Variants in RABGEF1 observed in about 807,000 individuals in gnomAD.
RABGEF1 encodes RAB guanine nucleotide exchange factor 1.
A neutral mutation model predicts 57.3 loss-of-function variants in RABGEF1; 26 were observed. The observed-to-expected ratio is 0.45, with a 90% CI of 0.33 to 0.63. The LOEUF (loss-of-function observed/expected upper bound fraction) is 0.63. Among genes scored for constraint, RABGEF1 ranks in the 20% least tolerant of loss-of-function variants. The pLI, the probability that RABGEF1 is intolerant of heterozygous loss-of-function variation, is 0.02. For missense variants in RABGEF1, 464 were observed against 607.6 expected, an observed-to-expected ratio of 0.76 and a Z score of 2.48; for synonymous variants, 185 against 210.7, an observed-to-expected ratio of 0.88 and a Z score of 1.06.
At chr7:66,709,042 A>C (rs1307072576) in intron 1 of RABGEF1, among the ~76,000 whole-genome samples, 2 of 150,336 alleles carry the variant, frequency 1.3e-5, no homozygotes, top group African/African-American at 4.9e-5. Context: ...GTGAGACAAG[A>C]GTTTCACTCA....
chr7:66,759,052 A>G (rs543871326), intron 1 of RABGEF1, among the ~76,000 whole-genome samples: 4 of 152,214 alleles, frequency 2.6e-5, no homozygotes, highest in Non-Finnish European at 4.4e-5. Context: ...ATGTATGTGT[A>G]TAGTGTCATG....
intron 1 of RABGEF1, among the ~76,000 whole-genome samples, chr7:66,690,957 G>A (rs539067045): frequency 3.9e-4 from 60 of 151,954 alleles, no homozygotes; most frequent in Admixed American, 5.9e-4. Context: ...CGAGTGTGGT[G>A]GGGAGCGCCT....
chr7:66,741,310 TC>T (rs1014418808), intron 1 of RABGEF1, among the ~76,000 whole-genome samples: 11 of 152,050 alleles, frequency 7.2e-5, no homozygotes, highest in African/African-American at 2.4e-4. Context: ...GGCAGAAGTG[TC>T]CCGGAGTTGG....
chr7:66,654,910 T>C, the RABGEF1 span, among the ~76,000 whole-genome samples: 6 of 152,374 alleles, frequency 3.9e-5, no homozygotes, highest in East Asian at 1.9e-4. Flanking sequence ...GGACAAGCCC[T>C]TGAAGGCCTG....
chr7:66,791,632 A>G (rs891411162), intron 4 of RABGEF1, among the ~76,000 whole-genome samples: 2 of 152,250 alleles, frequency 1.3e-5, no homozygotes, highest in African/African-American at 2.4e-5. Context: ...CACAGAAAAC[A>G]TAGGCAAGGA....
At chr7:66,662,436 C>T in the RABGEF1 span, among the ~76,000 whole-genome samples, 4 of 152,160 alleles carry the variant, frequency 2.6e-5, no homozygotes, top group Admixed American at 2.6e-4. Context: ...AATCCTCTCT[C>T]CCTGTTCCCC....
At chr7:66,732,031 GCCGCCTGCGGGCCAGGGCTGCCAGCCAC>G (rs1396926525) in intron 2 of RABGEF1, among the ~76,000 whole-genome samples, 1 of 152,246 alleles carries the variant, frequency 6.6e-6, no homozygotes, top group Non-Finnish European at 1.5e-5. Context: ...CAGCCAGTCA[GCCGCCTGCGGGCCAGGGCTGCCAGCCAC>G]CCCCAGCCCA....
chr7:66,726,958 T>G (rs1316700274), intron 2 of RABGEF1, among the ~76,000 whole-genome samples: 1 of 152,068 alleles, frequency 6.6e-6, no homozygotes, highest in Non-Finnish European at 1.5e-5. Context: ...GAGCCGAGAT[T>G]GCGCCATTGC....
chr7:66,659,519 C>T, the RABGEF1 span, among the ~76,000 whole-genome samples: 2 of 151,334 alleles, frequency 1.3e-5, no homozygotes, highest in Non-Finnish European at 2.9e-5. Flanking sequence ...GTGGCTCAGG[C>T]GGGTAATCCC....
chr7:66,772,170 G>A, intron 2 of RABGEF1, 92 bp downstream of exon 2: 1 of 1,058,776 alleles, frequency 9.4e-7, no homozygotes, highest in Non-Finnish European at 1.3e-6. Context: ...CTTCTGCTTT[G>A]AGCTATCAGC....
chr7:66,705,697 T>G (rs1793956235), intron 1 of RABGEF1, among the ~76,000 whole-genome samples: 1 of 149,616 alleles, frequency 6.7e-6, no homozygotes, highest in Non-Finnish European at 1.5e-5. Context: ...ATACAAGTGT[T>G]TTTTTTTTTG....
At chr7:66,668,549 G>T in the RABGEF1 span, among the ~76,000 whole-genome samples, 1 of 152,174 alleles carries the variant, frequency 6.6e-6, no homozygotes, top group African/African-American at 2.4e-5. Flanking sequence ...CTCTGGAGAG[G>T]GGGGGATTGG....
the RABGEF1 span, among the ~76,000 whole-genome samples, chr7:66,668,372 C>T: frequency 1.3e-5 from 2 of 152,194 alleles, no homozygotes; most frequent in Non-Finnish European, 2.9e-5. Flanking sequence ...GTTGGGATTA[C>T]AGCCGTGAGC....
the RABGEF1 span, among the ~76,000 whole-genome samples, chr7:66,665,651 T>C: frequency 7.9e-5 from 12 of 152,152 alleles, no homozygotes; most frequent in Non-Finnish European, 1.3e-4. Flanking sequence ...CAAGAGAATC[T>C]AGAACATCGT....
intron 8 of RABGEF1, chr7:66,808,146 A>G (rs2129197605): frequency 6.6e-6 from 1 of 151,726 alleles, no homozygotes; most frequent in South Asian, 2.1e-4. Flanking sequence ...TAACTTTCCC[A>G]CGGTCACTCA....
At chr7:66,796,647 C>T in intron 5 of RABGEF1, 7 of 250,012 alleles carry the variant, frequency 2.8e-5, no homozygotes, top group South Asian at 2.1e-4. Context: ...AGCTGGAGTA[C>T]AGTGGTGTGA....
intron 2 of RABGEF1, among the ~76,000 whole-genome samples, chr7:66,723,331 C>A (rs558806106): frequency 6.6e-6 from 1 of 152,220 alleles, no homozygotes; most frequent in East Asian, 1.9e-4. Flanking sequence ...ATTTTGTCAC[C>A]TTTGACCCAT....
the RABGEF1 span, among the ~76,000 whole-genome samples, chr7:66,674,205 T>C: frequency 6.6e-6 from 1 of 151,968 alleles, no homozygotes; most frequent in African/African-American, 2.4e-5. Context: ...TTTTTTTTTT[T>C]TTGTGATGGA....
intron 1 of RABGEF1, among the ~76,000 whole-genome samples, chr7:66,699,326 C>G (rs1455830185): frequency 2.0e-5 from 3 of 152,210 alleles, no homozygotes; most frequent in Non-Finnish European, 4.4e-5. Context: ...TGAATCCTGT[C>G]TTTGCCTTTC....
Sources: gnomAD v4.1 joint callset for allele counts (sites outside exome capture counted in the v4.1 genomes callset) on GRCh38, gnomAD v4.1.1 for gene constraint, MANE v1.5 for transcripts, NCBI Gene and HGNC (gene_info 2026-07-23, HGNC 2026-07-21) for gene names.